CEP290: variants seen among roughly 807,000 people sequenced by gnomAD.
The protein encoded by CEP290 is centrosomal protein 290, also known as centrosomal protein of 290 kDa.
CEP290 carries 317 observed loss-of-function variants against 344.9 expected under a neutral mutation model. The observed-to-expected ratio is 0.92, with a 90% CI of 0.84 to 1.01. The LOEUF is 1.01. CEP290 is among the 50% of genes least tolerant of loss of function. The pLI is 0.00. For synonymous variants in CEP290, 932 were observed against 895.8 expected (o/e 1.04, Z -0.72); for missense variants, 2,754 against 2,761.4 (o/e 1.00, Z 0.06).
At chr12:88,087,007 C>T (rs1488558643) in intron 32 of CEP290, among the ~76,000 whole-genome samples, 1 of 152,168 alleles carries the variant, frequency 6.6e-6, no homozygotes, top group African/African-American at 2.4e-5. Context: ...GAAGGATACA[C>T]TGATAAGGTA....
At chr12:88,137,508 G>A (rs1483516629) in intron 5 of CEP290, among the ~76,000 whole-genome samples, 1 of 152,142 alleles carries the variant, frequency 6.6e-6, no homozygotes, top group East Asian at 1.9e-4. Flanking sequence ...CATCTAATGT[G>A]TCTCACATTC....
At chr12:88,125,901 G>C (rs2039699051) in intron 12 of CEP290, among the ~76,000 whole-genome samples, 1 of 151,900 alleles carries the variant, frequency 6.6e-6, no homozygotes, top group Non-Finnish European at 1.5e-5. Context: ...AAATAAAATA[G>C]GTAGCACAGT....
intron 41 of CEP290, among the ~76,000 whole-genome samples, chr12:88,073,608 T>C (rs1450398795): frequency 6.6e-6 from 1 of 152,124 alleles, no homozygotes; most frequent in Non-Finnish European, 1.5e-5. Context: ...TTAAAGGGAA[T>C]GTTGAATCTG....
At chr12:88,132,967 A>G (rs965397437) in intron 6 of CEP290, among the ~76,000 whole-genome samples, 3 of 151,972 alleles carry the variant, frequency 2.0e-5, no homozygotes, top group African/African-American at 7.3e-5. Context: ...CCCACTTATA[A>G]GTGAGAACAT....
chr12:88,060,351 A>G (rs1391297421), intron 47 of CEP290, among the ~76,000 whole-genome samples: 4 of 152,030 alleles, frequency 2.6e-5, no homozygotes, highest in African/African-American at 9.7e-5. Context: ...CGAGGTCAGG[A>G]GATCGAGACA....
chr12:88,120,250 G>A lies in CEP290; in HGVS notation c.1386C>T (p.Val462=), dbSNP rs886038689. The change falls in exon 15 of 54, where the codon GTC becomes GTT. Residue 462 remains valine, a synonymous_variant. Transcript: ENST00000552810. ...ESGVYGLEDA[V]VEIKNCKNQI... The stretch of plus-strand genomic sequence containing the variant: ...GGTTTTTACAATTCTTTATTTCAAC[G>A]ACAGCATCTTCTAAACCATATACTC... 20 of 1,458,640 alleles carry A rather than the reference G, an allele frequency of 1.4e-5. No individual in the cohort carries two copies. Among genetic ancestry groups the A allele is most frequent in the Admixed American group, 1.1e-4 (5 of 45,590 alleles). The allele number at this position is 1,458,640 out of a possible 1,614,324, so 90.4% of individuals were successfully genotyped here. A position where few individuals can be genotyped will look rare whatever the true frequency, so the allele number is the denominator to read the frequency against.
chr12:88,105,087 C>A (rs912368100), intron 25 of CEP290, among the ~76,000 whole-genome samples: 3 of 152,118 alleles, frequency 2.0e-5, no homozygotes, highest in Non-Finnish European at 2.9e-5. Flanking sequence ...TAAATGCCTT[C>A]CCCACTAAAA....
intron 20 of CEP290, among the ~76,000 whole-genome samples, chr12:88,112,279 G>A (rs953840230): frequency 2.0e-5 from 3 of 152,050 alleles, no homozygotes; most frequent in African/African-American, 7.2e-5. Flanking sequence ...TCAAAATGAG[G>A]TATTTTTCTC....
intron 43 of CEP290, among the ~76,000 whole-genome samples, chr12:88,070,668 C>A (rs987372170): frequency 2.6e-5 from 4 of 152,062 alleles, no homozygotes; most frequent in African/African-American, 9.7e-5. Context: ...TCTCCTCTTG[C>A]TTGCTTGGCT....
At chr12:88,080,423 G>A (rs1268085895) in intron 37 of CEP290, 28 bp from the exon 38 acceptor site, 5 of 1,527,338 alleles carry the variant, frequency 3.3e-6, no homozygotes, top group Non-Finnish European at 4.5e-6. Flanking sequence ...ATGTGTGTGT[G>A]TGTTTTTTAA....
chr12:88,117,254 A>G lies in CEP290; in HGVS notation c.1712-109T>C, dbSNP rs933954342. ...CAAGTTTTAATGCAAAGGTAGAATA[A>G]TTGTTTCCAAAATCCCTCCAAAATT... On this transcript the variant is annotated intron_variant, in intron 17 of 53. Transcript: ENST00000552810. 4 of 585,262 alleles carry G rather than the reference A, an allele frequency of 6.8e-6. No individual in the cohort carries two copies. The African/African-American group carries it at 7.9e-5, about 12-fold the overall frequency. 36.3% of individuals were successfully genotyped at this position (585,262 alleles called of 1,614,324 possible).
chr12:88,123,662 T>G (rs1278061784), intron 13 of CEP290, among the ~76,000 whole-genome samples: 1 of 152,116 alleles, frequency 6.6e-6, no homozygotes, highest in East Asian at 1.9e-4. Flanking sequence ...AACCTACATT[T>G]ACTCCCTTGG....
intron 26 of CEP290, among the ~76,000 whole-genome samples, chr12:88,097,767 G>C (rs545378198): frequency 1.4e-4 from 21 of 152,134 alleles, no homozygotes; most frequent in Middle Eastern, 3.4e-3. Flanking sequence ...AAAACTCTTA[G>C]AATACTCAAG....
At chr12:88,086,212 A>G in intron 33 of CEP290, 39 bp from the exon 34 acceptor site, 1 of 1,595,704 alleles carries the variant, frequency 6.3e-7, no homozygotes, top group Non-Finnish European at 8.5e-7. Flanking sequence ...AAGCAGTTGC[A>G]GCATTGAGAG....
chr12:88,109,197 G>T lies in CEP290; in HGVS notation c.2368-16C>A. On this transcript the variant is annotated splice_polypyrimidine_tract_variant and intron_variant, in intron 22 of 53. Coordinates refer to ENST00000552810, the MANE Select transcript of CEP290 (RefSeq NM_025114.4). Reference sequence around the variant, plus strand: ...TTTCTAGTTCCTGAAAAGTGGTTTAGAAATAAGAATGCAAAAAAAAACACA... The same window carrying T: ...TTTCTAGTTCCTGAAAAGTGGTTTATAAATAAGAATGCAAAAAAAAACACA... The T allele has an allele frequency of 4.8e-6, 4 of 837,448 alleles. No individual in the cohort carries two copies. Among genetic ancestry groups the T allele is most frequent in the Admixed American group, 3.6e-5 (1 of 27,890 alleles). The allele number at this position is 837,448 out of a possible 1,614,324, so 51.9% of individuals were successfully genotyped here. A position where few individuals can be genotyped will look rare whatever the true frequency, so the allele number is the denominator to read the frequency against.
At chr12:88,076,985 A>G (rs2035826518) in intron 41 of CEP290, among the ~76,000 whole-genome samples, 1 of 152,044 alleles carries the variant, frequency 6.6e-6, no homozygotes, top group Admixed American at 6.6e-5. Flanking sequence ...TTGATGTAGT[A>G]ATTTCCAAAT....
intron 49 of CEP290, among the ~76,000 whole-genome samples, chr12:88,056,825 T>C (rs753219063): frequency 3.3e-5 from 5 of 152,224 alleles, no homozygotes; most frequent in Non-Finnish European, 5.9e-5. Flanking sequence ...TAAACTGCTT[T>C]ATTGAGAAGG....
chr12:88,137,140 G>C (rs1379032123), intron 5 of CEP290, among the ~76,000 whole-genome samples: 2 of 152,102 alleles, frequency 1.3e-5, no homozygotes, highest in Non-Finnish European at 2.9e-5. Context: ...ACCCCAGTCA[G>C]TGAAGCTGAG....
chr12:88,127,740 C>T (rs1354923021), intron 11 of CEP290, among the ~76,000 whole-genome samples: 1 of 152,112 alleles, frequency 6.6e-6, no homozygotes, highest in East Asian at 1.9e-4. Flanking sequence ...CACAGATATA[C>T]TTGTACATTT....
Sources: gnomAD v4.1 joint callset for allele counts (sites outside exome capture counted in the v4.1 genomes callset) on GRCh38, gnomAD v4.1.1 for gene constraint, MANE v1.5 for transcripts, NCBI Gene and HGNC (gene_info 2026-07-23, HGNC 2026-07-21) for gene names.